The following CAMK2D variants were observed in gnomAD, a reference collection of about 807,000 sequenced individuals.
CAMK2D encodes calcium/calmodulin-dependent protein kinase type II subunit delta.
CAMK2D carries 37 observed loss-of-function variants against 84.0 expected under a neutral mutation model. The observed-to-expected ratio is 0.44, with a 90% CI of 0.34 to 0.58. CAMK2D has a LOEUF of 0.58. Ranked by LOEUF, CAMK2D falls within the 20% of genes least tolerant of loss-of-function variation. CAMK2D has a pLI of 0.02. For missense variants in CAMK2D, 448 were observed against 652.5 expected (o/e 0.69, Z 3.41); for synonymous variants, 202 against 212.5 (o/e 0.95, Z 0.43).
chr4:113,605,136 T>C (rs2098971719), intron 4 of CAMK2D, among the ~76,000 whole-genome samples: 1 of 152,224 alleles, frequency 6.6e-6, no homozygotes, highest in African/African-American at 2.4e-5. Flanking sequence ...GTGAGAAAGA[T>C]TGACTCATCA....
At chr4:113,521,233 T>C (rs925650665) in intron 8 of CAMK2D, among the ~76,000 whole-genome samples, 3 of 152,366 alleles carry the variant, frequency 2.0e-5, no homozygotes, top group African/African-American at 7.2e-5. Flanking sequence ...TTCTGTTGAA[T>C]TTTGATTATC....
intron 4 of CAMK2D, among the ~76,000 whole-genome samples, chr4:113,557,469 T>C (rs1027499185): frequency 1.1e-4 from 17 of 152,212 alleles, no homozygotes; most frequent in African/African-American, 3.6e-4. Context: ...TTCACATGCT[T>C]GTCTCTCTTC....
chr4:113,552,555 A>G (rs1485656144), intron 4 of CAMK2D, among the ~76,000 whole-genome samples: 1 of 152,252 alleles, frequency 6.6e-6, no homozygotes, highest in Admixed American at 6.5e-5. Context: ...ACATAAAAAT[A>G]GATGCTTTTC....
At chr4:113,552,239 G>T in intron 4 of CAMK2D, 143 bp from the exon 5 acceptor site, 1 of 520,508 alleles carries the variant, frequency 1.9e-6, no homozygotes, top group Non-Finnish European at 3.5e-6. Context: ...GACAGTGTTC[G>T]TAAGTCAAAT....
At chr4:113,520,466 T>C (rs1438954162) in intron 8 of CAMK2D, among the ~76,000 whole-genome samples, 1 of 152,048 alleles carries the variant, frequency 6.6e-6, no homozygotes, top group African/African-American at 2.4e-5. Flanking sequence ...TCTAATTGAG[T>C]TCTTGCCTCA....
intron 4 of CAMK2D, among the ~76,000 whole-genome samples, chr4:113,602,026 A>C (rs1191995203): frequency 1.3e-5 from 2 of 152,044 alleles, no homozygotes; most frequent in African/African-American, 2.4e-5. Context: ...ATGATCTTGA[A>C]ACAAAATTTG....
At chr4:113,602,343 T>C (rs1309999235) in intron 4 of CAMK2D, among the ~76,000 whole-genome samples, 1 of 152,230 alleles carries the variant, frequency 6.6e-6, no homozygotes, top group African/African-American at 2.4e-5. Context: ...TAACAAAATA[T>C]GTCACTCCAA....
At chr4:113,482,733 A>G (rs1175112532) in intron 16 of CAMK2D, among the ~76,000 whole-genome samples, 1 of 152,228 alleles carries the variant, frequency 6.6e-6, no homozygotes, top group Admixed American at 6.5e-5. Flanking sequence ...CAGATTTTAA[A>G]TTTTGTTCTA....
intron 5 of CAMK2D, 79 bp from the exon 6 acceptor site, chr4:113,547,795 A>G (rs2098594336): frequency 2.3e-6 from 2 of 868,632 alleles, no homozygotes; most frequent in South Asian, 1.7e-5. Flanking sequence ...AGACTGGGTT[A>G]AAGTGCAGAG....
At chr4:113,507,542 T>A (rs1029575963) in intron 13 of CAMK2D, among the ~76,000 whole-genome samples, 1 of 152,166 alleles carries the variant, frequency 6.6e-6, no homozygotes, top group African/African-American at 2.4e-5. Context: ...CTGCTGGGAT[T>A]ACAGGTGTGA....
rs149158649 is a variant in CAMK2D, at chr4:113,471,867, ATCT to A, written c.1136-6266_1136-6264del. Among the ~76,000 whole-genome samples, 629 of 151,570 alleles carry A rather than the reference ATCT, an allele frequency of 4.1e-3. 7 individuals carry two copies. The highest frequency in any genetic ancestry group is 0.015 in the African/African-American group (604 of 41,240). On this transcript the variant is annotated intron_variant, in intron 16 of 20. Transcript: ENST00000511664. Reference sequence around the variant, plus strand: ...AAGCCCAAAGTTCTCTGTTTTAAAGATCTTCTTACTTTTCCTGCTTTATCTCTT... The same window carrying A: ...AAGCCCAAAGTTCTCTGTTTTAAAGATCTTACTTTTCCTGCTTTATCTCTT...
chr4:113,579,724 T>C (rs2098799514), intron 4 of CAMK2D, among the ~76,000 whole-genome samples: 1 of 152,198 alleles, frequency 6.6e-6, no homozygotes, highest in African/African-American at 2.4e-5. Flanking sequence ...ATAAACCTTT[T>C]TTCTTTATAA....
intron 2 of CAMK2D, among the ~76,000 whole-genome samples, chr4:113,673,115 T>C (rs6827138): frequency 0.23 from 35,194 of 151,960 alleles, 4,880 homozygotes; most frequent in African/African-American, 0.4. Context: ...ATAGAGTGGT[T>C]AGAACATTCT....
intron 3 of CAMK2D, among the ~76,000 whole-genome samples, chr4:113,656,796 T>G (rs891626078): frequency 6.6e-6 from 1 of 152,132 alleles, no homozygotes; most frequent in Non-Finnish European, 1.5e-5. Flanking sequence ...CATAGATATA[T>G]CTTGCCTGAC....
At chr4:113,712,345 G>T in intron 2 of CAMK2D, among the ~76,000 whole-genome samples, 1 of 152,076 alleles carries the variant, frequency 6.6e-6, no homozygotes, top group Non-Finnish European at 1.5e-5. Context: ...TTAGAATAAG[G>T]TTCAAATTCA....
Position 113,537,363 on chromosome 4 carries a change from T to C in CAMK2D, c.495A>G (p.Gln165=). The change falls in exon 7 of 21, where the codon CAA becomes CAG. Residue 165 remains glutamine (Q), a synonymous_variant. Coordinates refer to ENST00000511664, the MANE Select transcript of CAMK2D (RefSeq NM_001321571.2). ...LADFGLAIEV[Q]GDQQAWFGFA... is the part of the protein sequence containing the mutation. ...CACCAAACCACGCCTGCTGGTCCCC[T>C]TGAACTTCTATGGCTAAGCCAAAGT... 1 of 1,610,648 alleles carries C rather than the reference T, an allele frequency of 6.2e-7. No individual in the cohort carries two copies. The highest frequency in any genetic ancestry group is 8.5e-7 in the Non-Finnish European group (1 of 1,176,902).
chr4:113,500,592 A>G, intron 15 of CAMK2D, 81 bp from the exon 16 acceptor site: 2 of 837,118 alleles, frequency 2.4e-6, no homozygotes, highest in East Asian at 5.1e-5. Context: ...AGTGACATAC[A>G]TATCATGCAA....
intron 4 of CAMK2D, among the ~76,000 whole-genome samples, chr4:113,553,520 T>TA (rs2098644368): frequency 6.6e-6 from 1 of 152,206 alleles, no homozygotes; most frequent in Non-Finnish European, 1.5e-5. Context: ...GATCACCAGT[T>TA]AGTATTCTCT....
chr4:113,678,005 C>T (rs2099325888), intron 2 of CAMK2D, among the ~76,000 whole-genome samples: 1 of 151,962 alleles, frequency 6.6e-6, no homozygotes, highest in Admixed American at 6.6e-5. Context: ...TTTTTTAAAG[C>T]TATCTATGGT....
Sources: gnomAD v4.1 joint callset for allele counts (sites outside exome capture counted in the v4.1 genomes callset) on GRCh38, gnomAD v4.1.1 for gene constraint, MANE v1.5 for transcripts, NCBI Gene and HGNC (gene_info 2026-07-23, HGNC 2026-07-21) for gene names.